Variants in EPB41L4A observed in about 807,000 individuals in gnomAD.
The protein encoded by EPB41L4A is band 4.1-like protein 4A.
Under a neutral mutation model 108.6 loss-of-function variants are expected in EPB41L4A, and 100 were observed. The observed-to-expected ratio is 0.92, with a 90% CI of 0.78 to 1.09. The LOEUF (loss-of-function observed/expected upper bound fraction) is 1.09. Ranked by LOEUF, EPB41L4A falls within the 50% of genes least tolerant of loss-of-function variation. EPB41L4A has a pLI of 0.00. For missense variants in EPB41L4A, 1,030 were observed against 842.7 expected (o/e 1.22, Z -2.75); for synonymous variants, 319 against 289.0 (o/e 1.10, Z -1.05).
intron 18 of EPB41L4A, among the ~76,000 whole-genome samples, chr5:112,175,904 T>G (rs945017544): frequency 6.6e-6 from 1 of 152,094 alleles, no homozygotes; most frequent in Non-Finnish European, 1.5e-5. Flanking sequence ...TAGCTGGGAC[T>G]ACACATACAA....
At chr5:112,404,533 A>G (rs1251493393) in intron 1 of EPB41L4A, among the ~76,000 whole-genome samples, 1 of 152,200 alleles carries the variant, frequency 6.6e-6, no homozygotes, top group East Asian at 1.9e-4. Flanking sequence ...TTATAAATGG[A>G]TAAACTATGA....
At position 112,169,099 on chromosome 5, in the gene EPB41L4A, T is replaced by C. The variant is rs1025759724; in HGVS notation, c.1746A>G (p.Gln582=). The change falls in exon 21 of 23, where the codon CAA becomes CAG. Residue 582 remains glutamine, a synonymous_variant. Coordinates refer to ENST00000261486, the MANE Select transcript of EPB41L4A (RefSeq NM_022140.5). ...AATGCCTGATGCGGATTGGGTCACC[T>C]TGTGTCCTGAACAAGCAACCAAGAA... ...KEIPYTKIET[Q]GDPIRIRHSH... 1 of 1,612,670 alleles carries C rather than the reference T, an allele frequency of 6.2e-7. No homozygotes were observed. The highest frequency in any genetic ancestry group is 8.5e-7 in the Non-Finnish European group (1 of 1,178,676).
At chr5:112,292,902 C>T (rs1753741362) in intron 2 of EPB41L4A, among the ~76,000 whole-genome samples, 1 of 152,126 alleles carries the variant, frequency 6.6e-6, no homozygotes, top group South Asian at 2.1e-4. Context: ...TCCTTTATGG[C>T]TCATTCTGAT....
chr5:112,244,407 T>A (rs535676806), intron 9 of EPB41L4A, among the ~76,000 whole-genome samples: 1 of 152,208 alleles, frequency 6.6e-6, no homozygotes, highest in African/African-American at 2.4e-5. Context: ...TTGTCACGCA[T>A]TGAGAAAGAA....
chr5:112,288,441 G>A (rs371879357), intron 2 of EPB41L4A, among the ~76,000 whole-genome samples: 1 of 152,124 alleles, frequency 6.6e-6, no homozygotes, highest in East Asian at 1.9e-4. Flanking sequence ...CTACTCCACC[G>A]CAAATACACA....
rs140559265 is a variant in EPB41L4A, at chr5:112,225,907, T to C, written c.1087+8727A>G. Among the ~76,000 whole-genome samples the C allele has an allele frequency of 3.4e-3, 519 of 152,354 alleles. 20 individuals carry two copies. The highest frequency in any genetic ancestry group is 0.031 in the Admixed American group (476 of 15,294). On this transcript the variant is annotated intron_variant, in intron 12 of 22. Transcript: ENST00000261486. ...TGTACAAGTCTCAGCCTCTGCTTTC[T>C]CACCTAAACATTGAGAATTACAGCA... is the stretch of plus-strand genomic sequence containing the variant.
intron 1 of EPB41L4A, among the ~76,000 whole-genome samples, chr5:112,370,938 CA>C (rs1275008734): frequency 2.0e-5 from 3 of 152,190 alleles, no homozygotes; most frequent in East Asian, 3.9e-4. Context: ...GACTCTGTCT[CA>C]AAAAAGTAAG....
intron 1 of EPB41L4A, among the ~76,000 whole-genome samples, chr5:112,346,216 A>ATTCTTTTTTTTTTT (rs1757661747): frequency 1.5e-5 from 1 of 67,292 alleles, no homozygotes; most frequent in Non-Finnish European, 3.1e-5. Context: ...GGTACATTGC[A>ATTCTTTTTTTTTTT]TTTTTTTTTT....
In EPB41L4A at chr5:112,353,396, GC is replaced by G. The variant is rs370517423; in HGVS notation, c.100-45907del. Among the ~76,000 whole-genome samples the G allele has an allele frequency of 3.5e-4, 54 of 152,282 alleles. No individual in the cohort carries two copies. In the South Asian group the frequency reaches 0.011, roughly 31 times the overall value. On this transcript the variant is annotated intron_variant, in intron 1 of 22. Coordinates refer to ENST00000261486, the MANE Select transcript of EPB41L4A (RefSeq NM_022140.5). ...GAGCAGGCCCTCAGGGCACTGGGCA[GC>G]GTGCATGACATGGACAATGGAAGCA...
intron 1 of EPB41L4A, among the ~76,000 whole-genome samples, chr5:112,327,789 TC>T (rs1756271413): frequency 6.6e-6 from 1 of 151,830 alleles, no homozygotes; most frequent in South Asian, 2.1e-4. Flanking sequence ...ACAGTAAACA[TC>T]TCGCAAGTAA....
chr5:112,418,823 C>G, intron 1 of EPB41L4A, 118 bp downstream of exon 1: 2 of 711,536 alleles, frequency 2.8e-6, no homozygotes, highest in Non-Finnish European at 4.9e-6. Context: ...GGCCTCTCCT[C>G]CCCACCGCGC....
At chr5:112,363,920 A>G (rs1758948041) in intron 1 of EPB41L4A, among the ~76,000 whole-genome samples, 1 of 152,244 alleles carries the variant, frequency 6.6e-6, no homozygotes, top group African/African-American at 2.4e-5. Flanking sequence ...CATTCAAAAA[A>G]TAGTCAATAA....
At chr5:112,171,106 A>G (rs142223822) in intron 18 of EPB41L4A, 114 bp from the exon 19 acceptor site, 1 of 879,646 alleles carries the variant, frequency 1.1e-6, no homozygotes, top group African/African-American at 1.7e-5. Flanking sequence ...CTGAGAACAG[A>G]CAAGGAAAGA....
chr5:112,274,033 A>T (rs2150486927), intron 4 of EPB41L4A, among the ~76,000 whole-genome samples: 1 of 152,246 alleles, frequency 6.6e-6, no homozygotes, highest in Non-Finnish European at 1.5e-5. Flanking sequence ...TCACGCTGGT[A>T]ATCCCAGCAC....
intron 1 of EPB41L4A, among the ~76,000 whole-genome samples, chr5:112,359,581 C>T (rs1439426183): frequency 6.6e-6 from 1 of 151,454 alleles, no homozygotes; most frequent in Non-Finnish European, 1.5e-5. Flanking sequence ...TGCTCTGTCG[C>T]CCAGGCTAGA....
intron 1 of EPB41L4A, among the ~76,000 whole-genome samples, chr5:112,355,923 T>C (rs1388272679): frequency 6.6e-6 from 1 of 152,244 alleles, no homozygotes; most frequent in African/African-American, 2.4e-5. Context: ...AAGTGATTCA[T>C]GAAGCTTTGG....
Position 112,358,091 on chromosome 5 carries a change from C to G in EPB41L4A, c.100-50601G>C, listed in dbSNP as rs142974159. Among the ~76,000 whole-genome samples, 528 of 152,332 alleles carry G rather than the reference C, an allele frequency of 3.5e-3. 1 individual carries two copies. The highest frequency in any genetic ancestry group is 0.012 in the African/African-American group (490 of 41,580). On this transcript the variant is annotated intron_variant, in intron 1 of 22. Coordinates refer to ENST00000261486, the MANE Select transcript of EPB41L4A (RefSeq NM_022140.5). Reference sequence around the variant, plus strand: ...CCTGGCCTTTGCCAACAATGAGTGCCTGATCTCCCAACAGCAGAAGCCAAT... The same window carrying G: ...CCTGGCCTTTGCCAACAATGAGTGCGTGATCTCCCAACAGCAGAAGCCAAT...
chr5:112,266,279 G>C lies in EPB41L4A; in HGVS notation c.387C>G (p.Pro129=). 2 of 1,611,000 alleles carry C rather than the reference G, an allele frequency of 1.2e-6. No individual in the cohort carries two copies. The highest frequency in any genetic ancestry group is 1.7e-6 in the Non-Finnish European group (2 of 1,178,862). ...VKQDVLQGRL[P]CPVNTAAQLG... ...GCTGAGCAGCAGTGTTGACGGGACA[G>C]GGCAGACGGCCCTGAAGGACATCTT... The change falls in exon 5 of 23, where the codon CCC becomes CCG. Residue 129 remains proline (P), a synonymous_variant. Transcript: ENST00000261486.
chr5:112,257,914 G>A (rs575064015), intron 9 of EPB41L4A, among the ~76,000 whole-genome samples: 36 of 152,258 alleles, frequency 2.4e-4, no homozygotes, highest in African/African-American at 8.2e-4. Context: ...TCTACTTTTT[G>A]CATGATTTTA....
Sources: allele counts gnomAD v4.1 joint callset (sites outside exome capture counted in the v4.1 genomes callset), GRCh38; gene constraint gnomAD v4.1.1; transcripts MANE v1.5; gene names NCBI Gene and HGNC (gene_info 2026-07-23, HGNC 2026-07-21).